Variants in FAM171B observed in about 807,000 individuals in gnomAD.
The protein encoded by FAM171B is protein FAM171B.
FAM171B carries 19 observed loss-of-function variants against 75.6 expected under a neutral mutation model. The observed-to-expected ratio is 0.25, with a 90% CI of 0.18 to 0.37. The LOEUF (loss-of-function observed/expected upper bound fraction) is 0.37, where lower values mean the gene tolerates loss of function less well. Among genes scored for constraint, FAM171B ranks in the 10% least tolerant of loss-of-function variants. The pLI is 1.00. For missense variants in FAM171B, 848 were observed against 982.4 expected (o/e 0.86, Z 1.83); for synonymous variants, 367 against 361.7 (o/e 1.01, Z -0.17).
rs377090225 is a variant in FAM171B at position 186,694,068 on chromosome 2, C to A, written c.-106C>A. On this transcript the variant is annotated 5_prime_UTR_variant, in exon 1 of 8. Coordinates refer to ENST00000304698, the MANE Select transcript of FAM171B (RefSeq NM_177454.4). The stretch of plus-strand genomic sequence containing the variant: ...CGGTGAGGGAGTGCTTGGCAGATTG[C>A]GCGAGGGGGAGCGAGCGAGCGGGCG... The A allele has an allele frequency of 3.2e-5, 43 of 1,354,022 alleles. No homozygotes were observed. In the African/African-American group the frequency reaches 4.2e-4, roughly 13 times the overall value. The allele number at this position is 1,354,022 out of a possible 1,614,324, so 83.9% of individuals were successfully genotyped here. A position where few individuals can be genotyped will look rare whatever the true frequency, so the allele number is the denominator to read the frequency against.
chr2:186,731,341 A>G (rs1253687287), intron 1 of FAM171B, among the ~76,000 whole-genome samples: 2 of 152,200 alleles, frequency 1.3e-5, no homozygotes, highest in Non-Finnish European at 2.9e-5. Flanking sequence ...AAGGAGAGGG[A>G]CTAGGGAAGC....
At chr2:186,745,974 G>C (rs1217438351) in intron 3 of FAM171B, among the ~76,000 whole-genome samples, 1 of 152,152 alleles carries the variant, frequency 6.6e-6, no homozygotes, top group Non-Finnish European at 1.5e-5. Flanking sequence ...TATAAACTGA[G>C]AAGTCTTACA....
chr2:186,752,785 A>G (rs1362532800), intron 5 of FAM171B, among the ~76,000 whole-genome samples: 1 of 152,204 alleles, frequency 6.6e-6, no homozygotes, highest in Admixed American at 6.6e-5. Flanking sequence ...ACTTTTTTAC[A>G]TGTTATAGAT....
intron 1 of FAM171B, among the ~76,000 whole-genome samples, chr2:186,722,134 A>G (rs1197138283): frequency 6.6e-6 from 1 of 152,196 alleles, no homozygotes; most frequent in Non-Finnish European, 1.5e-5. Context: ...GATGTCTAAC[A>G]GATGTTAGTA....
chr2:186,694,534 C>T, intron 1 of FAM171B, 123 bp downstream of exon 1: 1 of 1,321,324 alleles, frequency 7.6e-7, no homozygotes, highest in South Asian at 1.5e-5. Context: ...CCATCCCTCC[C>T]GATCTCTCTC....
chr2:186,744,137 C>T (rs1690333184), intron 3 of FAM171B, among the ~76,000 whole-genome samples: 1 of 152,220 alleles, frequency 6.6e-6, no homozygotes, highest in Non-Finnish European at 1.5e-5. Flanking sequence ...TTCATCCTAA[C>T]TCCCCGCACG....
intron 1 of FAM171B, among the ~76,000 whole-genome samples, chr2:186,708,896 G>T (rs1056753842): frequency 1.3e-5 from 2 of 152,180 alleles, no homozygotes; most frequent in African/African-American, 4.8e-5. Flanking sequence ...GATACACCAT[G>T]TATATTAAGC....
chr2:186,716,064 C>A (rs1472325546), intron 1 of FAM171B, among the ~76,000 whole-genome samples: 1 of 152,150 alleles, frequency 6.6e-6, no homozygotes, highest in African/African-American at 2.4e-5. Flanking sequence ...TAGTCTCGAT[C>A]TGTCTCTCAG....
intron 1 of FAM171B, among the ~76,000 whole-genome samples, chr2:186,717,358 G>A (rs889375761): frequency 2.0e-5 from 3 of 152,212 alleles, no homozygotes; most frequent in Non-Finnish European, 4.4e-5. Flanking sequence ...CAGTTGAGAT[G>A]GGAGTGAGGA....
intron 1 of FAM171B, among the ~76,000 whole-genome samples, chr2:186,698,797 C>G (rs1357791164): frequency 6.6e-6 from 1 of 152,130 alleles, no homozygotes; most frequent in Non-Finnish European, 1.5e-5. Context: ...AATACCCTTC[C>G]CAGACTCTGG....
intron 1 of FAM171B, among the ~76,000 whole-genome samples, chr2:186,704,924 G>C (rs1238795163): frequency 6.6e-6 from 1 of 152,158 alleles, no homozygotes; most frequent in Non-Finnish European, 1.5e-5. Flanking sequence ...GAATCTTTTT[G>C]CCCCCATGTA....
chr2:186,725,317 C>A (rs1421931301), intron 1 of FAM171B, among the ~76,000 whole-genome samples: 1 of 149,102 alleles, frequency 6.7e-6, no homozygotes, highest in Non-Finnish European at 1.5e-5. Flanking sequence ...GCACTCCAAC[C>A]TGGGCGACAG....
At chr2:186,752,537 G>A (rs957964777) in intron 5 of FAM171B, among the ~76,000 whole-genome samples, 7 of 151,956 alleles carry the variant, frequency 4.6e-5, no homozygotes, top group African/African-American at 1.7e-4. Context: ...AACTTATTTG[G>A]GCCTCAATTT....
intron 2 of FAM171B, among the ~76,000 whole-genome samples, chr2:186,743,154 C>T (rs1690314839): frequency 6.6e-6 from 1 of 150,704 alleles, no homozygotes; most frequent in Non-Finnish European, 1.5e-5. Context: ...GAAAATATAT[C>T]AGGGAGTTAT....
rs140286384 is a variant in FAM171B, at chr2:186,747,187, C to G, written c.661C>G (p.Leu221Val). 2.6e-4 allele frequency: 410 copies of G among 1,605,776 alleles called. 2 individuals are homozygous for G. The highest frequency in any genetic ancestry group is 4.0e-5 in the Non-Finnish European group (47 of 1,176,802). Reference protein sequence around the residue: ...ISNVTGYLTVLQQFLKVDNFL... With the variant: ...ISNVTGYLTVVQQFLKVDNFL... ...CAACGTTACTGGCTATCTTACAGTT[C>G]TACAACAGTTTTTGAAAGTGGACAA... is the stretch of plus-strand genomic sequence containing the variant. Residue 221 changes from leucine (L) to valine (V), a missense_variant, in exon 4 of 8, where the codon CTA (leucine) becomes GTA (valine). Physicochemically the swap from Leu to Val is conservative, Grantham distance 32 (BLOSUM62 1). Around this residue, in one of 3 missense-constraint regions of FAM171B, gnomAD observed 665 missense variants for 729.0 expected, o/e 0.91. Transcript: ENST00000304698.
intron 1 of FAM171B, among the ~76,000 whole-genome samples, chr2:186,701,809 CTG>C (rs1339212936): frequency 6.6e-6 from 1 of 152,150 alleles, no homozygotes; most frequent in Non-Finnish European, 1.5e-5. Flanking sequence ...TAAGTAGAAA[CTG>C]TACCAATTAT....
chr2:186,757,382 A>G (rs1371177465), intron 6 of FAM171B, among the ~76,000 whole-genome samples: 6 of 152,106 alleles, frequency 3.9e-5, no homozygotes, highest in Non-Finnish European at 8.8e-5. Flanking sequence ...GCTCTGTGCC[A>G]GTAACTAGGG....
At chr2:186,723,291 C>G (rs1057125541) in intron 1 of FAM171B, among the ~76,000 whole-genome samples, 2 of 152,110 alleles carry the variant, frequency 1.3e-5, no homozygotes, top group African/African-American at 4.8e-5. Context: ...ATAGTTTTAT[C>G]AATAATTTGA....
intron 1 of FAM171B, among the ~76,000 whole-genome samples, chr2:186,694,748 A>AACACAC (rs57171143): frequency 0.045 from 6,029 of 133,222 alleles, 167 homozygotes; most frequent in Middle Eastern, 0.059. Context: ...GAATGACTGT[A>AACACAC]ACACACACAC....
Sources: allele counts gnomAD v4.1 joint callset (sites outside exome capture counted in the v4.1 genomes callset), GRCh38; gene constraint gnomAD v4.1.1; regional missense constraint gnomAD v4.1.1; transcripts MANE v1.5; gene names NCBI Gene and HGNC (gene_info 2026-07-23, HGNC 2026-07-21).